PCSK2: variants seen among roughly 807,000 people sequenced by gnomAD.
PCSK2 encodes the protein proprotein convertase subtilisin/kexin type 2, also known as neuroendocrine convertase 2.
A neutral mutation model predicts 69.7 loss-of-function variants in PCSK2; 14 were observed. That is an observed-to-expected ratio of 0.20 (90% confidence interval 0.13 to 0.31). PCSK2 has a LOEUF of 0.31. Ranked by LOEUF, PCSK2 falls within the 10% of genes least tolerant of loss-of-function variation. The pLI, the probability that PCSK2 is intolerant of heterozygous loss-of-function variation, is 1.00. For missense variants in PCSK2, 544 were observed against 842.5 expected (o/e 0.65, Z 4.39); for synonymous variants, 307 against 320.7 (o/e 0.96, Z 0.46).
chr20:17,374,735 G>C (rs532185573), intron 5 of PCSK2, among the ~76,000 whole-genome samples: 1 of 152,070 alleles, frequency 6.6e-6, no homozygotes. Flanking sequence ...AGTGTGGACC[G>C]AGTGGGCCTC....
chr20:17,402,680 C>T (rs918468939), intron 5 of PCSK2, among the ~76,000 whole-genome samples: 3 of 118,742 alleles, frequency 2.5e-5, no homozygotes, highest in African/African-American at 1.0e-4. Flanking sequence ...AAAAAAAAGG[C>T]ATGGTGGCTC....
At chr20:17,322,769 C>T (rs550459711) in intron 2 of PCSK2, among the ~76,000 whole-genome samples, 1 of 152,352 alleles carries the variant, frequency 6.6e-6, no homozygotes, top group African/African-American at 2.4e-5. Flanking sequence ...TGAACTCTCT[C>T]TGATGCTTCT....
intron 2 of PCSK2, among the ~76,000 whole-genome samples, chr20:17,292,680 A>C (rs192197094): frequency 1.6e-4 from 25 of 152,298 alleles, no homozygotes; most frequent in Middle Eastern, 3.4e-3. Flanking sequence ...GGCATATCTC[A>C]ATTTATTCAC....
At chr20:17,480,450 A>G (rs926280551) in intron 11 of PCSK2, among the ~76,000 whole-genome samples, 3 of 152,008 alleles carry the variant, frequency 2.0e-5, no homozygotes, top group African/African-American at 7.2e-5. Flanking sequence ...CGGCCTCCCA[A>G]AGTGCTGGGA....
chr20:17,326,987 T>C (rs1990074328), intron 2 of PCSK2, among the ~76,000 whole-genome samples: 1 of 152,216 alleles, frequency 6.6e-6, no homozygotes, highest in Non-Finnish European at 1.5e-5. Context: ...CTCTTCTCAG[T>C]ATATCTGTAG....
chr20:17,388,216 G>A (rs1199377078), intron 5 of PCSK2, among the ~76,000 whole-genome samples: 1 of 152,160 alleles, frequency 6.6e-6, no homozygotes, highest in African/African-American at 2.4e-5. Flanking sequence ...AACTTTCTGA[G>A]CCATGAGGAT....
At chr20:17,339,159 A>G (rs375897545) in intron 2 of PCSK2, among the ~76,000 whole-genome samples, 1 of 152,226 alleles carries the variant, frequency 6.6e-6, no homozygotes, top group Admixed American at 6.5e-5. Flanking sequence ...CAAATTTCAC[A>G]TTGTGAAACG....
At chr20:17,409,970 T>C (rs1031440078) in intron 6 of PCSK2, among the ~76,000 whole-genome samples, 16 of 152,220 alleles carry the variant, frequency 1.1e-4, no homozygotes, top group African/African-American at 3.9e-4. Context: ...ATAAGAGATA[T>C]GAAGAAATAA....
At position 17,449,376 on chromosome 20, in the gene PCSK2, T is replaced by C. The variant is rs573432638; in HGVS notation, c.886-4366T>C. Among the ~76,000 whole-genome samples, 9 of 152,246 alleles carry C rather than the reference T, an allele frequency of 5.9e-5. No homozygotes were observed. The East Asian group carries it at 1.7e-3, about 29-fold the overall frequency. On this transcript the variant is annotated intron_variant, in intron 8 of 11. Coordinates refer to ENST00000262545, the MANE Select transcript of PCSK2 (RefSeq NM_002594.5). ...CCCATTTCCCTTTTGGGTTTTAGGC[T>C]TTCCTTTAACACCTATTCCCTGGAT...
chr20:17,473,388 AC>A (rs1342060594), intron 11 of PCSK2, among the ~76,000 whole-genome samples: 1 of 152,040 alleles, frequency 6.6e-6, no homozygotes, highest in Admixed American at 6.6e-5. Flanking sequence ...TCCGCGCCTG[AC>A]CTAAGAACTC....
chr20:17,370,828 G>A (rs1324685245), intron 5 of PCSK2, among the ~76,000 whole-genome samples: 5 of 152,228 alleles, frequency 3.3e-5, no homozygotes, highest in Admixed American at 3.3e-4. Flanking sequence ...CTGGAGATGT[G>A]TCAGGCAGGG....
At chr20:17,309,137 T>A (rs940729077) in intron 2 of PCSK2, among the ~76,000 whole-genome samples, 2 of 152,112 alleles carry the variant, frequency 1.3e-5, no homozygotes, top group East Asian at 3.9e-4. Context: ...AGACAGATCA[T>A]GGAGGGCTTG....
At chr20:17,242,657 T>G (rs979492080) in intron 1 of PCSK2, among the ~76,000 whole-genome samples, 1 of 152,178 alleles carries the variant, frequency 6.6e-6, no homozygotes, top group African/African-American at 2.4e-5. Flanking sequence ...TGGTGACACA[T>G]CCTAATAAGT....
At chr20:17,278,662 T>TATA (rs1301503467) in intron 2 of PCSK2, among the ~76,000 whole-genome samples, 1 of 152,064 alleles carries the variant, frequency 6.6e-6, no homozygotes, top group African/African-American at 2.4e-5. Flanking sequence ...ATGGCACATG[T>TATA]ATACATATGT....
intron 1 of PCSK2, among the ~76,000 whole-genome samples, chr20:17,249,934 G>A (rs1017183560): frequency 2.0e-5 from 3 of 152,166 alleles, no homozygotes; most frequent in Non-Finnish European, 4.4e-5. Context: ...GTTGCATAAT[G>A]TGAGTGTACT....
intron 2 of PCSK2, among the ~76,000 whole-genome samples, chr20:17,307,776 A>G (rs1989373182): frequency 1.3e-5 from 2 of 152,102 alleles, no homozygotes; most frequent in South Asian, 4.1e-4. Context: ...ATCAAGAAAT[A>G]AATACTCTGC....
chr20:17,322,909 G>A (rs952925757), intron 2 of PCSK2, among the ~76,000 whole-genome samples: 9 of 152,232 alleles, frequency 5.9e-5, no homozygotes, highest in Non-Finnish European at 5.9e-5. Context: ...TGTCACCCAG[G>A]CTGGAGTCCA....
chr20:17,237,603 TTGTTGAAATAGGAGGAGTCACC>T (rs1986392344), intron 1 of PCSK2, among the ~76,000 whole-genome samples: 1 of 152,106 alleles, frequency 6.6e-6, no homozygotes, highest in Non-Finnish European at 1.5e-5. Context: ...GACAAAGTCA[TTGTTGAAATAGGAGGAGTCACC>T]CTAGCACAGT....
intron 5 of PCSK2, among the ~76,000 whole-genome samples, chr20:17,403,892 T>C (rs749625126): frequency 5.3e-5 from 8 of 152,268 alleles, no homozygotes; most frequent in Non-Finnish European, 1.2e-4. Context: ...GACCTGTTTC[T>C]TGTGCTTCGT....
Sources: gnomAD v4.1 joint callset for allele counts (sites outside exome capture counted in the v4.1 genomes callset) on GRCh38, gnomAD v4.1.1 for gene constraint, MANE v1.5 for transcripts, NCBI Gene and HGNC (gene_info 2026-07-23, HGNC 2026-07-21) for gene names.